GLTP: variants seen among roughly 807,000 people sequenced by gnomAD.
GLTP encodes the protein glycolipid transfer protein.
GLTP carries 22 observed loss-of-function variants against 24.0 expected under a neutral mutation model. The observed-to-expected ratio is 0.92, with a 90% CI of 0.65 to 1.31. The LOEUF is 1.31. GLTP is among the 50% of genes most tolerant of loss of function. The probability of loss-of-function intolerance (pLI) is 0.00; values close to 1 mark genes in which losing one functional copy is unlikely to be tolerated. For synonymous variants in GLTP, 92 were observed against 115.9 expected, an observed-to-expected ratio of 0.79 and a Z score of 1.33; for missense variants, 224 against 276.6, an observed-to-expected ratio of 0.81 and a Z score of 1.35.
At chr12:109,878,806 G>C (rs1410059636) in intron 1 of GLTP, among the ~76,000 whole-genome samples, 1 of 152,192 alleles carries the variant, frequency 6.6e-6, no homozygotes, top group Non-Finnish European at 1.5e-5. Flanking sequence ...TGAGGACACA[G>C]AGTGGATGTA....
At position 109,851,195 on chromosome 12, in the gene GLTP, C is replaced by T. The variant is rs976484843; in HGVS notation, c.*1360G>A. 6.6e-6 allele frequency: 1 copy of T among 152,528 alleles called. No individual in the cohort carries two copies. The highest frequency in any genetic ancestry group is 2.4e-5 in the African/African-American group (1 of 41,402). The allele number at this position is 152,528 out of a possible 1,614,324, so 9.4% of individuals were successfully genotyped here. ...TCTCTCCCCGTCAAGAGAATACACA[C>T]GGTAGGTAGTTTCTTAGGTTGGAAA... On this transcript the variant is annotated 3_prime_UTR_variant, in exon 5 of 5. Coordinates refer to ENST00000318348, the MANE Select transcript of GLTP (RefSeq NM_016433.4).
chr12:109,873,988 T>C (rs970459030), intron 1 of GLTP, among the ~76,000 whole-genome samples: 4 of 152,202 alleles, frequency 2.6e-5, no homozygotes, highest in Non-Finnish European at 5.9e-5. Flanking sequence ...GCATGTCTGG[T>C]CTGTGGCACC....
chr12:109,877,931 T>C (rs983276129), intron 1 of GLTP, among the ~76,000 whole-genome samples: 4 of 152,222 alleles, frequency 2.6e-5, no homozygotes, highest in African/African-American at 9.7e-5. Flanking sequence ...ACTTTTTTTT[T>C]CTTTAGAGTC....
At chr12:109,874,920 C>G (rs554601536) in intron 1 of GLTP, among the ~76,000 whole-genome samples, 2 of 151,958 alleles carry the variant, frequency 1.3e-5, no homozygotes, top group Middle Eastern at 3.2e-3. Context: ...CTAACATGCC[C>G]GACCAATTTT....
chr12:109,879,879 G>C (rs1333460642), intron 1 of GLTP, among the ~76,000 whole-genome samples: 1 of 152,056 alleles, frequency 6.6e-6, no homozygotes, highest in Non-Finnish European at 1.5e-5. Flanking sequence ...CCATCAGAAA[G>C]CGCCAGGGAT....
rs949116663 is a variant in GLTP, at chr12:109,865,307, A to C, written c.104-6566T>G. ...GCTGTCTTTTAAACATTTTTTATTT[A>C]TTCTTCTTCTTCTTATTTTTTAATA... On this transcript the variant is annotated intron_variant, in intron 1 of 4. Coordinates refer to ENST00000318348, the MANE Select transcript of GLTP (RefSeq NM_016433.4). Among the ~76,000 whole-genome samples the C allele has an allele frequency of 1.1e-4, 17 of 151,914 alleles. 1 individual carries two copies. The highest frequency in any genetic ancestry group is 8.3e-4 in the South Asian group (4 of 4,818).
chr12:109,880,050 G>T lies in GLTP; in HGVS notation c.103+222C>A, dbSNP rs972989958. 3.3e-5 allele frequency among the ~76,000 whole-genome samples: 5 copies of T among 152,020 alleles called. No homozygotes were observed. The highest frequency in any genetic ancestry group is 1.2e-4 in the African/African-American group (5 of 41,382). On this transcript the variant is annotated intron_variant, in intron 1 of 4. Transcript: ENST00000318348. This position sits in a 1 kb window ranked among gnomAD's most constrained non-coding sequence, Gnocchi z 5.1. ...AGGTGTCTAGGGAGAGGGAGGATTTGGGGAGGACAGGCAGGATGTGACATG... is the reference window on the plus strand; with the variant it reads ...AGGTGTCTAGGGAGAGGGAGGATTTTGGGAGGACAGGCAGGATGTGACATG...
intron 1 of GLTP, among the ~76,000 whole-genome samples, chr12:109,863,851 T>A (rs1365063954): frequency 1.3e-5 from 2 of 152,186 alleles, no homozygotes; most frequent in Non-Finnish European, 2.9e-5. Context: ...TGATGACAGA[T>A]CACCATCGAC....
Position 109,855,492 on chromosome 12 carries a change from G to T in GLTP, c.447+127C>A. 1 of 766,654 alleles carries T rather than the reference G, an allele frequency of 1.3e-6. No individual in the cohort carries two copies. Among genetic ancestry groups the T allele is most frequent in the East Asian group, 2.9e-5 (1 of 35,064 alleles). The allele number at this position is 766,654 out of a possible 1,614,324, so 47.5% of individuals were successfully genotyped here. On this transcript the variant is annotated intron_variant, in intron 4 of 4. Transcript: ENST00000318348. This position sits in a 1 kb window ranked among gnomAD's most constrained non-coding sequence, Gnocchi z 4.1. ...ACTAGCCTCACCCAAATAGATGAGG[G>T]AGCCCTTCCTGAGCCCGAGGGGGTA...
At chr12:109,869,930 T>C (rs1305261321) in intron 1 of GLTP, among the ~76,000 whole-genome samples, 4 of 151,642 alleles carry the variant, frequency 2.6e-5, no homozygotes, top group Non-Finnish European at 5.9e-5. Flanking sequence ...CTAATTTTTG[T>C]ATTTTTAAAA....
intron 4 of GLTP, among the ~76,000 whole-genome samples, chr12:109,854,231 G>C (rs938930020): frequency 6.6e-6 from 1 of 151,540 alleles, no homozygotes; most frequent in African/African-American, 2.4e-5. Context: ...TTGGTGGCTC[G>C]CACCTGTAGT....
At chr12:109,860,162 G>A (rs1379892853) in intron 1 of GLTP, 1 of 153,330 alleles carries the variant, frequency 6.5e-6, no homozygotes, top group Non-Finnish European at 1.5e-5. Flanking sequence ...ATTTTTAGTA[G>A]AGATGGGGTT....
Position 109,857,619 on chromosome 12 carries a change from C to T in GLTP, c.203G>A (p.Arg68Gln), listed in dbSNP as rs151285612. The T allele has an allele frequency of 2.4e-4, 384 of 1,614,000 alleles. 1 individual carries two copies. The African/African-American group carries it at 4.6e-3, about 19-fold the overall frequency. Residue 68 changes from arginine to glutamine, a missense_variant, in exon 3 of 5, where the codon CGG becomes CAG. By Grantham distance (43) the Arg-to-Gln change is conservative (BLOSUM62 1). Transcript: ENST00000318348. The surrounding 1 kb of genome is among the most constrained non-coding windows in gnomAD (Gnocchi z 4.3). ...AVYDTNPAKFRTLQNILEVEK... is the reference protein window; with the variant it reads ...AVYDTNPAKFQTLQNILEVEK... ...CACCTCCAGGATGTTCTGCAGGGTCCGGAACTTGGCTGGGTTGGTGTCGTA... is the reference window on the plus strand; with the variant it reads ...CACCTCCAGGATGTTCTGCAGGGTCTGGAACTTGGCTGGGTTGGTGTCGTA...
rs1410222596 is a variant in GLTP, at chr12:109,855,725, C to T, written c.341G>A (p.Gly114Glu). 2 of 1,608,442 alleles carry T rather than the reference C, an allele frequency of 1.2e-6. No individual in the cohort carries two copies. The highest frequency in any genetic ancestry group is 1.3e-5 in the African/African-American group (1 of 74,424). Reference protein sequence around the residue: ...IQVFLQSICDGERDENHPNLI... With the variant: ...IQVFLQSICDEERDENHPNLI... Reference sequence around the variant, plus strand: ...GTTGGGGTGGTTCTCGTCCCGCTCCCCGTCGCAGATGCTCTGGAGGAAGAC... The same window carrying T: ...GTTGGGGTGGTTCTCGTCCCGCTCCTCGTCGCAGATGCTCTGGAGGAAGAC... The change falls in exon 4 of 5, where the codon GGG (glycine) becomes GAG (glutamate). Residue 114 changes from glycine (G) to glutamate (E), a missense_variant. Coordinates refer to ENST00000318348, the MANE Select transcript of GLTP (RefSeq NM_016433.4). This position sits in a 1 kb window ranked among gnomAD's most constrained non-coding sequence, Gnocchi z 4.1.
intron 1 of GLTP, among the ~76,000 whole-genome samples, chr12:109,862,737 G>T (rs1183784210): frequency 6.6e-6 from 1 of 151,362 alleles, no homozygotes; most frequent in East Asian, 1.9e-4. Flanking sequence ...GCAACAGAGT[G>T]AGACTCCATC....
chr12:109,854,025 A>G (rs1400430431), intron 4 of GLTP, among the ~76,000 whole-genome samples: 5 of 147,318 alleles, frequency 3.4e-5, no homozygotes, highest in South Asian at 2.5e-4. Flanking sequence ...GATTACAGGC[A>G]TGAGCCACCG....
intron 1 of GLTP, among the ~76,000 whole-genome samples, chr12:109,869,317 A>AAAAAG (rs1868642545): frequency 7.3e-6 from 1 of 136,754 alleles, no homozygotes; most frequent in Non-Finnish European, 1.5e-5. Flanking sequence ...AAAAAAAAAA[A>AAAAAG]AAAGAAAGAA....
intron 1 of GLTP, among the ~76,000 whole-genome samples, chr12:109,862,822 C>T (rs1432007472): frequency 5.3e-5 from 8 of 152,014 alleles, no homozygotes; most frequent in African/African-American, 1.7e-4. Context: ...AAGGCCGAGG[C>T]GGGTGGATCA....
intron 1 of GLTP, among the ~76,000 whole-genome samples, chr12:109,876,878 G>T (rs1868901686): frequency 1.3e-5 from 2 of 152,022 alleles, no homozygotes; most frequent in African/African-American, 4.8e-5. Flanking sequence ...TTTGAGACAG[G>T]ATCTTGCTGT....
Sources: allele counts gnomAD v4.1 joint callset (sites outside exome capture counted in the v4.1 genomes callset), GRCh38; gene constraint gnomAD v4.1.1; non-coding constraint Gnocchi (gnomAD v3.1); transcripts MANE v1.5; gene names NCBI Gene and HGNC (gene_info 2026-07-23, HGNC 2026-07-21).